Variants in PRKN observed in about 807,000 individuals in gnomAD.
PRKN encodes parkin RBR E3 ubiquitin protein ligase.
A neutral mutation model predicts 59.5 loss-of-function variants in PRKN; 56 were observed. That is an observed-to-expected ratio of 0.94 (90% CI 0.76 to 1.18). The LOEUF (loss-of-function observed/expected upper bound fraction) is 1.18. PRKN is among the 50% of genes most tolerant of loss of function. PRKN has a pLI of 0.00. For missense variants in PRKN, 657 were observed against 596.4 expected (o/e 1.10, Z -1.06); for synonymous variants, 250 against 222.1 (o/e 1.13, Z -1.12).
intron 2 of PRKN, among the ~76,000 whole-genome samples, chr6:162,338,817 TC>T (rs1562683236): frequency 7.0e-6 from 1 of 143,754 alleles, no homozygotes; most frequent in African/African-American, 2.6e-5. Context: ...GAGCGCCTCT[TC>T]CCGGCCACCA....
chr6:161,778,426 C>A (rs12200225), intron 7 of PRKN, among the ~76,000 whole-genome samples: 60,389 of 151,986 alleles, frequency 0.4, 12,418 homozygotes, highest in South Asian at 0.52. Flanking sequence ...TTGAAAGGAA[C>A]CGATGGCTTT....
intron 1 of PRKN, among the ~76,000 whole-genome samples, chr6:162,452,847 G>T (rs1284742330): frequency 6.6e-6 from 1 of 151,956 alleles, no homozygotes; most frequent in African/African-American, 2.4e-5. Flanking sequence ...CTACAGGGCT[G>T]CATTTTAGAT....
intron 2 of PRKN, among the ~76,000 whole-genome samples, chr6:162,276,353 A>T (rs1045499520): frequency 1.3e-5 from 2 of 152,138 alleles, no homozygotes; most frequent in Non-Finnish European, 2.9e-5. Flanking sequence ...ATCATAGTTT[A>T]AGTTTTTCTG....
At chr6:161,800,045 A>G (rs2128210353) in intron 6 of PRKN, among the ~76,000 whole-genome samples, 2 of 152,298 alleles carry the variant, frequency 1.3e-5, no homozygotes, top group African/African-American at 4.8e-5. Flanking sequence ...CGCTTGGACA[A>G]TGGCAAGTCA....
chr6:162,113,172 A>T (rs1780515348), intron 4 of PRKN, among the ~76,000 whole-genome samples: 1 of 152,222 alleles, frequency 6.6e-6, no homozygotes, highest in Non-Finnish European at 1.5e-5. Context: ...CTATGTATTA[A>T]GCCATATGAA....
At chr6:161,989,215 C>T (rs1781551253) in intron 5 of PRKN, among the ~76,000 whole-genome samples, 2 of 152,172 alleles carry the variant, frequency 1.3e-5, no homozygotes, top group African/African-American at 4.8e-5. Flanking sequence ...TTATGATATC[C>T]TGACACTTTG....
intron 6 of PRKN, among the ~76,000 whole-genome samples, chr6:161,932,399 C>G (rs1431896506): frequency 2.0e-5 from 3 of 152,042 alleles, no homozygotes; most frequent in African/African-American, 7.2e-5. Context: ...CTTAAAAATG[C>G]TTTCCAAGAT....
At chr6:161,848,231 A>G (rs924789042) in intron 6 of PRKN, among the ~76,000 whole-genome samples, 1 of 152,080 alleles carries the variant, frequency 6.6e-6, no homozygotes, top group African/African-American at 2.4e-5. Context: ...TTTTGCATTA[A>G]TGTTCATAGA....
At chr6:162,202,253 A>T (rs1784762228) in intron 3 of PRKN, among the ~76,000 whole-genome samples, 1 of 152,088 alleles carries the variant, frequency 6.6e-6, no homozygotes, top group Non-Finnish European at 1.5e-5. Flanking sequence ...AATGCATATG[A>T]TCTATTAAAA....
chr6:162,674,200 A>G (rs181811751), intron 1 of PRKN, among the ~76,000 whole-genome samples: 5 of 152,204 alleles, frequency 3.3e-5, no homozygotes, highest in African/African-American at 1.2e-4. Flanking sequence ...ATTTATTGAG[A>G]CTAAATATTT....
At chr6:162,236,020 AG>A (rs1562602753) in intron 3 of PRKN, among the ~76,000 whole-genome samples, 2 of 151,446 alleles carry the variant, frequency 1.3e-5, no homozygotes. Context: ...AAAGAAAGAA[AG>A]AAACTCCTCA....
rs1160841797 is a variant in PRKN at position 161,428,346 on chromosome 6, G to A, written c.1084-41469C>T. ...AGATTCCTGCTGGGACTGGCAGAGA[G>A]GGGCAGAGGGAGGCAGGACGGGCTG... On this transcript the variant is annotated intron_variant, in intron 9 of 11. Coordinates refer to ENST00000366898, the MANE Select transcript of PRKN (RefSeq NM_004562.3). The surrounding 1 kb of genome is among the most constrained non-coding windows in gnomAD (Gnocchi z 4.0). Among the ~76,000 whole-genome samples, 2 of 152,206 alleles carry A rather than the reference G, an allele frequency of 1.3e-5. No homozygotes were observed. The highest frequency in any genetic ancestry group is 1.5e-5 in the Non-Finnish European group (1 of 68,052).
chr6:162,346,491 C>T (rs999937353), intron 2 of PRKN, among the ~76,000 whole-genome samples: 1 of 150,414 alleles, frequency 6.6e-6, no homozygotes, highest in Non-Finnish European at 1.5e-5. Context: ...TGTGATGGTG[C>T]ATGCCTGTAG....
chr6:162,651,232 A>G (rs916946270), intron 1 of PRKN, among the ~76,000 whole-genome samples: 1 of 152,178 alleles, frequency 6.6e-6, no homozygotes, highest in African/African-American at 2.4e-5. Context: ...ATTTTTCAGA[A>G]AACAGAGAAA....
At position 162,248,094 on chromosome 6, in the gene PRKN, T is replaced by C. The variant is rs183601343; in HGVS notation, c.412+14431A>G. Among the ~76,000 whole-genome samples the C allele has an allele frequency of 4.5e-3, 683 of 152,150 alleles. 5 individuals are homozygous for C. Among genetic ancestry groups the C allele is most frequent in the African/African-American group, 0.015 (634 of 41,506 alleles). ...GAAAGCCTTAGGTTTGTTTCAAGGG[T>C]TTTGTATTTCTTAATCACCTCCCCA... On this transcript the variant is annotated intron_variant, in intron 3 of 11. Coordinates refer to ENST00000366898, the MANE Select transcript of PRKN (RefSeq NM_004562.3).
chr6:162,567,222 C>A (rs560684538), intron 1 of PRKN, among the ~76,000 whole-genome samples: 1 of 152,062 alleles, frequency 6.6e-6, no homozygotes, highest in Non-Finnish European at 1.5e-5. Context: ...GACAAGGATG[C>A]CTGATGTCAC....
Position 161,922,448 on chromosome 6 carries a change from T to C in PRKN, c.734+50854A>G, listed in dbSNP as rs146662246. 3.9e-3 allele frequency among the ~76,000 whole-genome samples: 589 copies of C among 152,226 alleles called. 4 individuals are homozygous for C. Among genetic ancestry groups the C allele is most frequent in the African/African-American group, 0.014 (563 of 41,498 alleles). On this transcript the variant is annotated intron_variant, in intron 6 of 11. Coordinates refer to ENST00000366898, the MANE Select transcript of PRKN (RefSeq NM_004562.3). ...AATATTAGTTTACTTTTTTCTCTCA[T>C]ATTAGAAATCTGTTAAGGGAAGGGG... is the stretch of plus-strand genomic sequence containing the variant.
intron 7 of PRKN, among the ~76,000 whole-genome samples, chr6:161,615,290 T>C (rs1172449390): frequency 6.6e-6 from 1 of 152,092 alleles, no homozygotes; most frequent in Non-Finnish European, 1.5e-5. Flanking sequence ...ATCCACACTT[T>C]TACAATAACC....
Position 161,731,528 on chromosome 6 carries a change from TA to T in PRKN, c.871+54243del, listed in dbSNP as rs1160496499. On this transcript the variant is annotated intron_variant, in intron 7 of 11. Coordinates refer to ENST00000366898, the MANE Select transcript of PRKN (RefSeq NM_004562.3). Reference sequence around the variant, plus strand: ...TAAAAGTAAAAGTATGTATTTTGAGTAGGTATTTCCTTACATTGTGTACACC... The same window carrying T: ...TAAAAGTAAAAGTATGTATTTTGAGTGGTATTTCCTTACATTGTGTACACC... Among the ~76,000 whole-genome samples, 4 of 152,222 alleles carry T rather than the reference TA, an allele frequency of 2.6e-5. No homozygotes were observed. In the East Asian group the frequency reaches 7.7e-4, roughly 29 times the overall value.
Sources: allele counts gnomAD v4.1 joint callset (sites outside exome capture counted in the v4.1 genomes callset), GRCh38; gene constraint gnomAD v4.1.1; non-coding constraint Gnocchi (gnomAD v3.1); transcripts MANE v1.5; gene names NCBI Gene and HGNC (gene_info 2026-07-23, HGNC 2026-07-21).